The following GRIK2 variants were observed in gnomAD, a reference collection of about 807,000 sequenced individuals.
GRIK2 encodes the protein glutamate ionotropic receptor kainate type subunit 2.
GRIK2 carries 32 observed loss-of-function variants against 100.3 expected under a neutral mutation model. That is an observed-to-expected ratio of 0.32 (90% CI 0.24 to 0.43). The LOEUF (loss-of-function observed/expected upper bound fraction) is 0.43. Ranked by LOEUF, GRIK2 falls within the 20% of genes least tolerant of loss-of-function variation. GRIK2 has a pLI of 1.00. For missense variants in GRIK2, 843 were observed against 1,114.9 expected, an observed-to-expected ratio of 0.76 and a Z score of 3.47; for synonymous variants, 417 against 389.4, an observed-to-expected ratio of 1.07 and a Z score of -0.83.
intron 7 of GRIK2, among the ~76,000 whole-genome samples, chr6:101,712,976 G>A (rs1362657933): frequency 2.0e-5 from 3 of 151,678 alleles, no homozygotes; most frequent in African/African-American, 7.3e-5. Flanking sequence ...TGAGTGTACA[G>A]ACAAAAACAT....
intron 7 of GRIK2, among the ~76,000 whole-genome samples, chr6:101,736,874 C>A (rs534406488): frequency 6.6e-5 from 10 of 152,280 alleles, no homozygotes; most frequent in South Asian, 4.1e-4. Context: ...ATTTTTCAGA[C>A]TTTTATGCTC....
chr6:101,914,429 C>T (rs1229012715), intron 12 of GRIK2, among the ~76,000 whole-genome samples: 2 of 151,400 alleles, frequency 1.3e-5, no homozygotes, highest in East Asian at 1.9e-4. Context: ...CCAGTGAATT[C>T]AGCTATATAG....
intron 12 of GRIK2, among the ~76,000 whole-genome samples, chr6:101,892,267 C>A (rs1259612983): frequency 6.6e-6 from 1 of 152,068 alleles, no homozygotes; most frequent in Non-Finnish European, 1.5e-5. Flanking sequence ...TTTTCCAAGC[C>A]CACGGCTTTT....
intron 7 of GRIK2, among the ~76,000 whole-genome samples, chr6:101,759,726 CA>C (rs1392679997): frequency 6.6e-6 from 1 of 151,658 alleles, no homozygotes; most frequent in Non-Finnish European, 1.5e-5. Flanking sequence ...ATTACAGTCA[CA>C]ATTGTGTTTG....
chr6:101,774,365 G>A (rs1206658740), intron 7 of GRIK2, among the ~76,000 whole-genome samples: 2 of 152,182 alleles, frequency 1.3e-5, no homozygotes, highest in African/African-American at 4.8e-5. Context: ...TTGGAGACCA[G>A]CTGGAAGTGC....
At chr6:101,725,171 T>A (rs1246379981) in intron 7 of GRIK2, among the ~76,000 whole-genome samples, 5 of 152,094 alleles carry the variant, frequency 3.3e-5, no homozygotes, top group Admixed American at 3.3e-4. Flanking sequence ...AGCAAATCTG[T>A]TCCTTCAAAG....
chr6:101,558,841 A>T (rs1336326638), intron 2 of GRIK2, among the ~76,000 whole-genome samples: 1 of 151,516 alleles, frequency 6.6e-6, no homozygotes, highest in African/African-American at 2.4e-5. Context: ...GTCCCTGATG[A>T]CCTCTCTTTT....
chr6:101,557,995 C>T (rs1010967210), intron 2 of GRIK2, among the ~76,000 whole-genome samples: 1 of 152,162 alleles, frequency 6.6e-6, no homozygotes. Context: ...AACTGCCCTT[C>T]GGTAGCAAAT....
At chr6:102,051,567 G>A (rs1264403296) in intron 15 of GRIK2, among the ~76,000 whole-genome samples, 1 of 152,006 alleles carries the variant, frequency 6.6e-6, no homozygotes, top group East Asian at 1.9e-4. Flanking sequence ...ATTTGTCAAT[G>A]TTTTAAATGT....
intron 2 of GRIK2, among the ~76,000 whole-genome samples, chr6:101,574,617 G>A (rs920397545): frequency 7.9e-5 from 12 of 151,186 alleles, no homozygotes; most frequent in Non-Finnish European, 1.2e-4. Context: ...CTGTGTTTTC[G>A]GACTACCTAC....
At chr6:101,946,553 A>AATT (rs1205203915) in intron 14 of GRIK2, among the ~76,000 whole-genome samples, 1 of 152,152 alleles carries the variant, frequency 6.6e-6, no homozygotes, top group Non-Finnish European at 1.5e-5. Context: ...TTTGATTTTT[A>AATT]ATTAGCTATT....
intron 2 of GRIK2, among the ~76,000 whole-genome samples, chr6:101,468,690 C>A (rs926788153): frequency 6.6e-6 from 1 of 152,020 alleles, no homozygotes; most frequent in African/African-American, 2.4e-5. Context: ...GTACAACTGG[C>A]CTTACTGGAT....
intron 2 of GRIK2, among the ~76,000 whole-genome samples, chr6:101,576,902 C>T (rs1777815938): frequency 6.6e-6 from 1 of 151,786 alleles, no homozygotes; most frequent in Non-Finnish European, 1.5e-5. Context: ...AAAAAAATGT[C>T]CTTGTAGTAC....
intron 2 of GRIK2, among the ~76,000 whole-genome samples, chr6:101,564,721 G>T (rs1777173030): frequency 6.6e-6 from 1 of 151,990 alleles, no homozygotes; most frequent in South Asian, 2.1e-4. Context: ...TCCTTTCAGG[G>T]GAATTTCCTA....
chr6:101,617,927 CAT>C lies in GRIK2; in HGVS notation c.116-4013_116-4012del, dbSNP rs926300905. Among the ~76,000 whole-genome samples, 8 of 151,076 alleles carry C rather than the reference CAT, an allele frequency of 5.3e-5. No homozygotes were observed. The South Asian group carries it at 8.3e-4, about 16-fold the overall frequency. On this transcript the variant is annotated intron_variant, in intron 2 of 16. Coordinates refer to ENST00000369134, the MANE Select transcript of GRIK2 (RefSeq NM_021956.5). Reference sequence around the variant, plus strand: ...TACTTATAGGATATAAAGAAAATGTCATATATATATGTGTGTGTATATATATG... The same window carrying C: ...TACTTATAGGATATAAAGAAAATGTCATATATATGTGTGTGTATATATATG...
At position 101,481,425 on chromosome 6, in the gene GRIK2, T is replaced by C. The variant is rs532354730; in HGVS notation, c.115+82033T>C. The stretch of plus-strand genomic sequence containing the variant: ...AGTGTGGAGTGTATCCATGGAAATA[T>C]AGAAGTAATGCTCTAGCTATTGATA... On this transcript the variant is annotated intron_variant, in intron 2 of 16. Coordinates refer to ENST00000369134, the MANE Select transcript of GRIK2 (RefSeq NM_021956.5). Among the ~76,000 whole-genome samples, 12 of 152,288 alleles carry C rather than the reference T, an allele frequency of 7.9e-5. No individual in the cohort carries two copies. In the South Asian group the frequency reaches 2.1e-3, roughly 26 times the overall value.
chr6:101,957,826 TCAGTTGG>T (rs1792035953), intron 14 of GRIK2, among the ~76,000 whole-genome samples: 1 of 152,100 alleles, frequency 6.6e-6, no homozygotes, highest in African/African-American at 2.4e-5. Context: ...TTGTTGAAGA[TCAGTTGG>T]TTGTAGGTAT....
At chr6:101,417,194 A>G (rs1297434115) in intron 2 of GRIK2, among the ~76,000 whole-genome samples, 3 of 152,158 alleles carry the variant, frequency 2.0e-5, no homozygotes, top group Non-Finnish European at 4.4e-5. Context: ...CTTATTCACT[A>G]TCATGAGAAT....
chr6:101,529,349 T>A (rs1323675790), intron 2 of GRIK2, among the ~76,000 whole-genome samples: 1 of 152,118 alleles, frequency 6.6e-6, no homozygotes, highest in Non-Finnish European at 1.5e-5. Context: ...CATTATAGTC[T>A]CCAAGGCTCA....
Sources: gnomAD v4.1 joint callset for allele counts (sites outside exome capture counted in the v4.1 genomes callset) on GRCh38, gnomAD v4.1.1 for gene constraint, MANE v1.5 for transcripts, NCBI Gene and HGNC (gene_info 2026-07-23, HGNC 2026-07-21) for gene names.